Variants in TBC1D19 observed in about 807,000 individuals in gnomAD.
The protein encoded by TBC1D19 is TBC1 domain family, member 19.
In TBC1D19, 60 loss-of-function variants were observed where a neutral mutation model predicts 89.0. That is an observed-to-expected ratio of 0.67 (90% CI 0.55 to 0.84). The LOEUF is 0.84. Ranked by LOEUF, TBC1D19 falls within the 40% of genes least tolerant of loss-of-function variation. TBC1D19 has a pLI of 0.00. For missense variants in TBC1D19, 500 were observed against 610.8 expected, an observed-to-expected ratio of 0.82 and a Z score of 1.91; for synonymous variants, 189 against 199.7, an observed-to-expected ratio of 0.95 and a Z score of 0.45.
At chr4:26,724,160 A>G (rs977312556) in intron 15 of TBC1D19, among the ~76,000 whole-genome samples, 1 of 152,248 alleles carries the variant, frequency 6.6e-6, no homozygotes, top group Admixed American at 6.5e-5. Flanking sequence ...GTGACTGGCA[A>G]TAGTGAGCAA....
At chr4:26,815,445 T>C in the TBC1D19 span, among the ~76,000 whole-genome samples, 364 of 152,374 alleles carry the variant, frequency 2.4e-3, 1 homozygote, top group African/African-American at 8.2e-3. Context: ...AGCAATGCAT[T>C]CAGTTGAGCC....
chr4:26,668,986 TACAC>T (rs3839171), intron 9 of TBC1D19, among the ~76,000 whole-genome samples: 19,432 of 146,682 alleles, frequency 0.13, 1,419 homozygotes, highest in South Asian at 0.18. Flanking sequence ...TTTAAATACA[TACAC>T]ACACACACAC....
At chr4:26,652,674 T>A (rs1343754111) in intron 7 of TBC1D19, among the ~76,000 whole-genome samples, 1 of 152,248 alleles carries the variant, frequency 6.6e-6, no homozygotes, top group African/African-American at 2.4e-5. Flanking sequence ...TATAGTATTC[T>A]CTGATGGTAG....
the TBC1D19 span, among the ~76,000 whole-genome samples, chr4:26,825,874 C>A: frequency 6.6e-6 from 1 of 152,164 alleles, no homozygotes; most frequent in African/African-American, 2.4e-5. Flanking sequence ...GTTAAGCCTG[C>A]AATAAACATT....
rs1716512259 is a variant in TBC1D19 at position 26,715,252 on chromosome 4, T to C, written c.955-2681T>C. Among the ~76,000 whole-genome samples the C allele has an allele frequency of 2.0e-5, 3 of 152,034 alleles. No homozygotes were observed. The South Asian group carries it at 6.2e-4, about 31-fold the overall frequency. ...CTGCCTGCCACTTTCCCTGTCTCAG[T>C]TAAAGGTGTTCCACTCGCTGAGATC... On this transcript the variant is annotated intron_variant, in intron 13 of 20. Transcript: ENST00000264866.
intron 4 of TBC1D19, among the ~76,000 whole-genome samples, chr4:26,627,208 A>G (rs1742475227): frequency 2.0e-5 from 3 of 151,516 alleles, no homozygotes; most frequent in Admixed American, 2.0e-4. Context: ...GTCCCTACAA[A>G]GGACATGAAC....
chr4:26,648,549 A>C (rs1744117132), intron 7 of TBC1D19, among the ~76,000 whole-genome samples: 1 of 152,230 alleles, frequency 6.6e-6, no homozygotes, highest in Admixed American at 6.5e-5. Flanking sequence ...AACAGTGCTT[A>C]GCACAATCTG....
chr4:26,837,627 T>C, the TBC1D19 span, among the ~76,000 whole-genome samples: 1 of 152,334 alleles, frequency 6.6e-6, no homozygotes, highest in South Asian at 2.1e-4. Context: ...TAGTCATTGA[T>C]ATTGATCTAT....
At chr4:26,793,037 CT>C in the TBC1D19 span, among the ~76,000 whole-genome samples, 5 of 152,196 alleles carry the variant, frequency 3.3e-5, no homozygotes, top group Non-Finnish European at 7.3e-5. Flanking sequence ...TTTTTCCCCC[CT>C]GATATTCTTA....
chr4:26,640,501 G>A (rs778739299), intron 7 of TBC1D19, among the ~76,000 whole-genome samples: 5 of 152,148 alleles, frequency 3.3e-5, no homozygotes, highest in African/African-American at 7.2e-5. Context: ...CACAGAAGAC[G>A]GGTGATTTCT....
the TBC1D19 span, among the ~76,000 whole-genome samples, chr4:26,805,646 C>A: frequency 1.9e-4 from 29 of 152,282 alleles, no homozygotes; most frequent in African/African-American, 6.7e-4. Flanking sequence ...GGCTCCCCAC[C>A]TCCACCCTTA....
chr4:26,607,880 A>C (rs1269085676), intron 1 of TBC1D19, among the ~76,000 whole-genome samples: 1 of 152,208 alleles, frequency 6.6e-6, no homozygotes. Flanking sequence ...CTGGGCTTGC[A>C]CATGTGTGCT....
chr4:26,670,177 C>T (rs1043534468), intron 9 of TBC1D19, among the ~76,000 whole-genome samples: 3 of 151,026 alleles, frequency 2.0e-5, no homozygotes, highest in Non-Finnish European at 3.0e-5. Context: ...TAAAATGAAA[C>T]TGTATTGTTA....
chr4:26,615,416 C>T (rs2110019862), intron 3 of TBC1D19, among the ~76,000 whole-genome samples: 1 of 151,056 alleles, frequency 6.6e-6, no homozygotes, highest in African/African-American at 2.4e-5. Context: ...TCATGGAGTT[C>T]ATAGTCTAAC....
chr4:26,660,305 A>G (rs773536712), intron 8 of TBC1D19, among the ~76,000 whole-genome samples: 1 of 152,210 alleles, frequency 6.6e-6, no homozygotes, highest in Non-Finnish European at 1.5e-5. Context: ...TGGTGAAACT[A>G]GGAAGCCACT....
At chr4:26,686,910 A>T (rs1713861524) in intron 12 of TBC1D19, among the ~76,000 whole-genome samples, 1 of 152,104 alleles carries the variant, frequency 6.6e-6, no homozygotes, top group Non-Finnish European at 1.5e-5. Flanking sequence ...TGTTAGAGCT[A>T]TTTGACCATG....
At chr4:26,593,895 T>C (rs537318349) in intron 1 of TBC1D19, among the ~76,000 whole-genome samples, 28 of 152,228 alleles carry the variant, frequency 1.8e-4, no homozygotes, top group African/African-American at 3.6e-4. Context: ...GTTGGTGGGA[T>C]GGTAAACTAG....
intron 10 of TBC1D19, among the ~76,000 whole-genome samples, chr4:26,672,544 T>C (rs191468390): frequency 3.4e-4 from 51 of 152,138 alleles, no homozygotes; most frequent in African/African-American, 1.2e-3. Flanking sequence ...TCATTAGAGT[T>C]AATGGGAATA....
chr4:26,740,847 A>C, intron 17 of TBC1D19: 1 of 985,336 alleles, frequency 1.0e-6, no homozygotes, highest in Non-Finnish European at 1.2e-6. Context: ...CTAAGCCTAT[A>C]TATTCCTATT....
Sources: allele counts gnomAD v4.1 joint callset (sites outside exome capture counted in the v4.1 genomes callset), GRCh38; gene constraint gnomAD v4.1.1; transcripts MANE v1.5; gene names NCBI Gene and HGNC (gene_info 2026-07-23, HGNC 2026-07-21).